Variants in KIF20B observed in about 807,000 individuals in gnomAD.
KIF20B encodes kinesin family member 20B.
A neutral mutation model predicts 232.5 loss-of-function variants in KIF20B; 188 were observed. That is an observed-to-expected ratio of 0.81 (90% CI 0.72 to 0.91). The LOEUF is 0.91. Among genes scored for constraint, KIF20B ranks in the 40% least tolerant of loss-of-function variants. KIF20B has a pLI of 0.00. For synonymous variants in KIF20B, 712 were observed against 683.0 expected, an observed-to-expected ratio of 1.04 and a Z score of -0.66; for missense variants, 2,154 against 2,055.9, an observed-to-expected ratio of 1.05 and a Z score of -0.92.
At chr10:89,713,276 G>A (rs1842869300) in intron 6 of KIF20B, among the ~76,000 whole-genome samples, 1 of 150,986 alleles carries the variant, frequency 6.6e-6, no homozygotes, top group Non-Finnish European at 1.5e-5. Context: ...CACAAGAATT[G>A]CTTGAACCCG....
intron 17 of KIF20B, among the ~76,000 whole-genome samples, chr10:89,728,120 TATG>T (rs1328999168): frequency 3.3e-5 from 5 of 152,182 alleles, no homozygotes; most frequent in Non-Finnish European, 7.3e-5. Context: ...TATTTTAAAA[TATG>T]ATCAGATATA....
At chr10:89,711,218 A>G in intron 6 of KIF20B, 73 bp downstream of exon 6, 4 of 915,282 alleles carry the variant, frequency 4.4e-6, no homozygotes, top group Non-Finnish European at 6.2e-6. Flanking sequence ...TTGTTTCACC[A>G]TATATTGGAA....
At chr10:89,757,216 G>C (rs2133160536) in intron 26 of KIF20B, among the ~76,000 whole-genome samples, 1 of 151,814 alleles carries the variant, frequency 6.6e-6, no homozygotes, top group Admixed American at 6.5e-5. Context: ...GGTATTGTCA[G>C]TCAGTTTTTA....
intron 19 of KIF20B, among the ~76,000 whole-genome samples, chr10:89,735,291 A>G (rs1841624770): frequency 6.6e-6 from 1 of 152,158 alleles, no homozygotes; most frequent in African/African-American, 2.4e-5. Flanking sequence ...TATGTGGTAT[A>G]GTTAAGTTTC....
intron 23 of KIF20B, among the ~76,000 whole-genome samples, chr10:89,749,612 G>C (rs1480107389): frequency 6.6e-6 from 1 of 152,100 alleles, no homozygotes; most frequent in Admixed American, 6.5e-5. Flanking sequence ...TCTACTTTCT[G>C]TCTGTATGAA....
In KIF20B at chr10:89,729,127, GA is replaced by G; in HGVS notation, c.2275del (p.Ile759Ter). The G allele has an allele frequency of 7.2e-7, 1 of 1,397,246 alleles. No individual in the cohort carries two copies. The highest frequency in any genetic ancestry group is 9.6e-7 in the Non-Finnish European group (1 of 1,046,280). The allele number at this position is 1,397,246 out of a possible 1,614,324, so 86.6% of individuals were successfully genotyped here. Reference protein sequence around the residue: ...LIQELETSNKKIITQNQRIKE... With the variant: ...LIQELETSNKXIITQNQRIKE... ...AACATTGCTTTTTCTTCTTTCCAAA[GA>G]AAATAATTACACAGAATCAAAGAAT... On this transcript the variant is annotated frameshift_variant and splice_region_variant, in exon 18 of 33. Coordinates refer to ENST00000371728, the MANE Select transcript of KIF20B (RefSeq NM_001284259.2). LOFTEE classifies it high-confidence loss of function.
intron 13 of KIF20B, among the ~76,000 whole-genome samples, chr10:89,721,561 T>G (rs900105229): frequency 1.3e-5 from 2 of 152,126 alleles, no homozygotes. Context: ...TCCCAGCTAC[T>G]TGGGAGGCTG....
chr10:89,725,726 A>C (rs1008089090), intron 15 of KIF20B, among the ~76,000 whole-genome samples: 3 of 152,214 alleles, frequency 2.0e-5, no homozygotes, highest in Non-Finnish European at 4.4e-5. Context: ...GGTGCACGCC[A>C]CTGTGCTCAG....
chr10:89,771,367 AG>A (rs1396647480), intron 31 of KIF20B, among the ~76,000 whole-genome samples: 5 of 152,108 alleles, frequency 3.3e-5, no homozygotes, highest in Non-Finnish European at 7.4e-5. Context: ...AGCACATAGT[AG>A]TGATGAGTTT....
At chr10:89,755,467 C>T (rs1187686435) in intron 26 of KIF20B, among the ~76,000 whole-genome samples, 1 of 126,110 alleles carries the variant, frequency 7.9e-6, no homozygotes, top group African/African-American at 2.9e-5. Context: ...CCCTCCCCTC[C>T]CCTCCCTCCC....
chr10:89,716,943 G>C (rs908052097), intron 9 of KIF20B, among the ~76,000 whole-genome samples: 5 of 152,122 alleles, frequency 3.3e-5, no homozygotes, highest in African/African-American at 1.2e-4. Flanking sequence ...TGGGGGATGA[G>C]AGGCAAAGGA....
At chr10:89,736,319 GA>G (rs1187704425) in intron 19 of KIF20B, among the ~76,000 whole-genome samples, 1 of 151,952 alleles carries the variant, frequency 6.6e-6, no homozygotes. Flanking sequence ...TATATATCTA[GA>G]AGATTGTTAA....
rs1235951315 is a variant in KIF20B at position 89,738,526 on chromosome 10, A to C, written c.3685A>C (p.Ile1229Leu). The C allele has an allele frequency of 1.2e-6, 2 of 1,601,970 alleles. No individual in the cohort carries two copies. Among genetic ancestry groups the C allele is most frequent in the African/African-American group, 2.7e-5 (2 of 74,120 alleles). The change falls in exon 20 of 33, where the codon ATC (isoleucine) becomes CTC (leucine). Residue 1229 changes from isoleucine (I) to leucine (L), a missense_variant. Physicochemically the swap from Ile to Leu is conservative, Grantham distance 5 (BLOSUM62 2). Transcript: ENST00000371728. ...NVKELKLKEE[I>L]TQLTNNLQDM... Reference sequence around the variant, plus strand: ...AAAGGAACTCAAGCTGAAAGAAGAAATCACACAGTTAACAAATAATTTGCA... The same window carrying C: ...AAAGGAACTCAAGCTGAAAGAAGAACTCACACAGTTAACAAATAATTTGCA...
rs905235296 is a variant in KIF20B at position 89,726,291 on chromosome 10, A to T, written c.2002-2A>T. The T allele has an allele frequency of 3.2e-6, 5 of 1,543,418 alleles. No homozygotes were observed. The African/African-American group carries it at 6.9e-5, about 21-fold the overall frequency. On this transcript the variant is annotated splice_acceptor_variant, in intron 15 of 32. Transcript: ENST00000371728. LOFTEE classifies it high-confidence loss of function. The stretch of plus-strand genomic sequence containing the variant: ...TAGGCATGTGGTTTTTGCTATTTTT[A>T]GGAAACACATAATTATGTAGGATTT...
At chr10:89,728,905 TTGTGTGTGTGTG>T (rs71022581) in intron 17 of KIF20B, among the ~76,000 whole-genome samples, 25,504 of 138,014 alleles carry the variant, frequency 0.18, 2,621 homozygotes, top group East Asian at 0.33. Flanking sequence ...TCTTTTTTCT[TTGTGTGTGTGTG>T]TGTGTGTGTG....
chr10:89,743,969 T>C, intron 22 of KIF20B, 42 bp downstream of exon 22: 2 of 1,521,860 alleles, frequency 1.3e-6, no homozygotes, highest in Non-Finnish European at 1.8e-6. Flanking sequence ...ATGCATTCTC[T>C]TGGTATATTT....
chr10:89,742,531 T>C (rs1841821534), intron 21 of KIF20B, among the ~76,000 whole-genome samples: 1 of 152,180 alleles, frequency 6.6e-6, no homozygotes, highest in South Asian at 2.1e-4. Context: ...ATATAGTTGA[T>C]GAAGATGGTG....
intron 15 of KIF20B, among the ~76,000 whole-genome samples, chr10:89,726,001 A>T (rs966926059): frequency 8.5e-5 from 13 of 152,212 alleles, no homozygotes; most frequent in Non-Finnish European, 1.8e-4. Context: ...TTTAAGTCTC[A>T]TTATATAATT....
chr10:89,711,214 C>T lies in KIF20B; in HGVS notation c.675+69C>T, dbSNP rs1269262684. On this transcript the variant is annotated intron_variant, in intron 6 of 32. Transcript: ENST00000371728. ...TTCTTATAAACCCTTTAGATTGTTT[C>T]ACCATATATTGGAATCTGGTTTGTG... is the stretch of plus-strand genomic sequence containing the variant. 3 of 964,624 alleles carry T rather than the reference C, an allele frequency of 3.1e-6. No individual in the cohort carries two copies. The African/African-American group carries it at 5.0e-5, about 16-fold the overall frequency. 59.8% of individuals were successfully genotyped at this position (964,624 alleles called of 1,614,324 possible). A position where few individuals can be genotyped will look rare whatever the true frequency, so the allele number is the denominator to read the frequency against.
Sources: gnomAD v4.1 joint callset for allele counts (sites outside exome capture counted in the v4.1 genomes callset) on GRCh38, gnomAD v4.1.1 for gene constraint, MANE v1.5 for transcripts, NCBI Gene and HGNC (gene_info 2026-07-23, HGNC 2026-07-21) for gene names.